The following PAH variants were observed in gnomAD, a reference collection of about 807,000 sequenced individuals.
The protein encoded by PAH is phenylalanine hydroxylase, also known as phenylalanine-4-hydroxylase.
PAH carries 64 observed loss-of-function variants against 62.0 expected under a neutral mutation model. The observed-to-expected ratio is 1.03, with a 90% CI of 0.84 to 1.27. The LOEUF is 1.27. PAH is among the 50% of genes most tolerant of loss of function. The pLI is 0.00. For missense variants in PAH, 579 were observed against 542.8 expected, an observed-to-expected ratio of 1.07 and a Z score of -0.66; for synonymous variants, 195 against 196.2, an observed-to-expected ratio of 0.99 and a Z score of 0.05.
At chr12:102,907,483 T>C (rs1878022434) in intron 2 of PAH, among the ~76,000 whole-genome samples, 1 of 152,226 alleles carries the variant, frequency 6.6e-6, no homozygotes, top group African/African-American at 2.4e-5. Flanking sequence ...GAGTACCACC[T>C]TCACTTAGTT....
intron 1 of PAH, among the ~76,000 whole-genome samples, chr12:102,943,482 T>G (rs981632182): frequency 2.0e-5 from 3 of 152,146 alleles, no homozygotes; most frequent in Non-Finnish European, 4.4e-5. Flanking sequence ...GAAAGTAAAT[T>G]AGTTTAGCCA....
At position 102,858,202 on chromosome 12, in the gene PAH, A is replaced by G. The variant is rs113282790; in HGVS notation, c.510-2870T>C. On this transcript the variant is annotated intron_variant, in intron 5 of 12. Coordinates refer to ENST00000553106, the MANE Select transcript of PAH (RefSeq NM_000277.3). ...TAGTCTCTGATAAAACAGACTTTAA[A>G]CCAACAATGATAAAAAGAGACAAAG... is the stretch of plus-strand genomic sequence containing the variant. Among the ~76,000 whole-genome samples the G allele has an allele frequency of 3.3e-3, 507 of 152,264 alleles. 2 individuals are homozygous for G. Among genetic ancestry groups the G allele is most frequent in the African/African-American group, 0.012 (479 of 41,534 alleles).
Position 102,837,971 on chromosome 12 carries a change from G to A in PAH, c.*1204C>T, listed in dbSNP as rs149230474. 2 of 152,316 alleles carry A rather than the reference G, an allele frequency of 1.3e-5. No homozygotes were observed. The highest frequency in any genetic ancestry group is 4.8e-5 in the African/African-American group (2 of 41,566). The allele number at this position is 152,316 out of a possible 1,614,324, so 9.4% of individuals were successfully genotyped here. On this transcript the variant is annotated 3_prime_UTR_variant, in exon 13 of 13. Coordinates refer to ENST00000553106, the MANE Select transcript of PAH (RefSeq NM_000277.3). ...ATTTGCTGTTGATGATACTACAGCT[G>A]TTCTGAGAACTAAACTCAAAGAAAC... is the stretch of plus-strand genomic sequence containing the variant.
At chr12:102,926,419 G>A (rs767718807) in intron 1 of PAH, among the ~76,000 whole-genome samples, 19 of 151,986 alleles carry the variant, frequency 1.3e-4, no homozygotes, top group South Asian at 8.3e-4. Context: ...TTGTTGGGGG[G>A]GCGGGTAAAG....
chr12:102,854,264 GC>G lies in PAH; in HGVS notation c.706+871del, dbSNP rs140869484. 3.7e-4 allele frequency among the ~76,000 whole-genome samples: 57 copies of G among 152,192 alleles called. 1 individual carries two copies. The East Asian group carries it at 0.011, about 29-fold the overall frequency. On this transcript the variant is annotated intron_variant, in intron 6 of 12. Coordinates refer to ENST00000553106, the MANE Select transcript of PAH (RefSeq NM_000277.3). Reference sequence around the variant, plus strand: ...TGCCAAGTAATTTCCCTGGCTCATTGCCCCCACAGTGGCCCATCTCTGCACA... The same window carrying G: ...TGCCAAGTAATTTCCCTGGCTCATTGCCCCACAGTGGCCCATCTCTGCACA...
At chr12:102,846,816 G>A in intron 9 of PAH, 79 bp downstream of exon 9, 2 of 1,197,720 alleles carry the variant, frequency 1.7e-6, no homozygotes, top group Non-Finnish European at 2.5e-6. Flanking sequence ...TGGCTTCCAG[G>A]GGAGTAGGAA....
intron 3 of PAH, among the ~76,000 whole-genome samples, chr12:102,884,262 G>A (rs574318328): frequency 6.6e-6 from 1 of 152,336 alleles, no homozygotes; most frequent in Admixed American, 6.5e-5. Flanking sequence ...CCAGGGAGAG[G>A]CACCTGGGTG....
At chr12:102,909,569 A>T (rs1878122029) in intron 2 of PAH, among the ~76,000 whole-genome samples, 1 of 152,186 alleles carries the variant, frequency 6.6e-6, no homozygotes, top group Admixed American at 6.5e-5. Context: ...AAAACCCACT[A>T]CTTAAATTAT....
Position 102,847,327 on chromosome 12 carries a change from C to T in PAH, c.913-376G>A. The T allele has an allele frequency of 3.4e-5, 10 of 294,290 alleles. No homozygotes were observed. In the South Asian group the frequency reaches 3.5e-4, roughly 10 times the overall value. 18.2% of individuals were successfully genotyped at this position (294,290 alleles called of 1,614,324 possible). A position where few individuals can be genotyped will look rare whatever the true frequency, so the allele number is the denominator to read the frequency against. On this transcript the variant is annotated intron_variant, in intron 8 of 12. Transcript: ENST00000553106. ...ATGTTAAATGAGTCTTAATCATGTA[C>T]CCTGGAAACATCACAGGAGAACTGC...
chr12:102,879,898 CA>C (rs1356747336), intron 3 of PAH, among the ~76,000 whole-genome samples: 1 of 152,162 alleles, frequency 6.6e-6, no homozygotes, highest in Non-Finnish European at 1.5e-5. Context: ...CTATGGACAG[CA>C]AGAACAGAGG....
At chr12:102,894,669 A>C (rs981280492) in intron 3 of PAH, 66 bp downstream of exon 3, 1 of 1,191,166 alleles carries the variant, frequency 8.4e-7, no homozygotes. Context: ...TTAAATATGT[A>C]TATTGCTGTT....
chr12:102,939,133 C>T (rs911956973), intron 1 of PAH, among the ~76,000 whole-genome samples: 1 of 152,076 alleles, frequency 6.6e-6, no homozygotes, highest in Admixed American at 6.5e-5. Flanking sequence ...CAGAAACCCC[C>T]ACTTGGGCCT....
rs145084405 is a variant in PAH, at chr12:102,930,929, T to C, written c.-95-13704A>G. ...CAATATGTCTTACGTATCTATGGTA[T>C]CAATAATAAAAAAACAAATTTCAAT... On this transcript the variant is annotated intron_variant, in intron 1 of 3. Transcript: ENST00000546844. 6.0e-3 allele frequency among the ~76,000 whole-genome samples: 910 copies of C among 152,270 alleles called. 9 individuals are homozygous for C. The highest frequency in any genetic ancestry group is 0.02 in the African/African-American group (841 of 41,546).
intron 2 of PAH, among the ~76,000 whole-genome samples, chr12:102,908,184 T>C (rs961288233): frequency 1.3e-5 from 2 of 151,596 alleles, no homozygotes; most frequent in Non-Finnish European, 1.5e-5. Flanking sequence ...TTCACATACA[T>C]GCATGCGCCC....
At chr12:102,858,732 A>C (rs187135603) in intron 5 of PAH, among the ~76,000 whole-genome samples, 1 of 152,254 alleles carries the variant, frequency 6.6e-6, no homozygotes, top group African/African-American at 2.4e-5. Flanking sequence ...TCCTGGGTAC[A>C]TAACGAAATG....
At chr12:102,879,177 C>T (rs999262771) in intron 3 of PAH, among the ~76,000 whole-genome samples, 1 of 152,056 alleles carries the variant, frequency 6.6e-6, no homozygotes, top group Non-Finnish European at 1.5e-5. Context: ...GAACAGCAAA[C>T]GTGTTTTTGA....
In PAH at chr12:102,877,516, G is replaced by A; in HGVS notation, c.387C>T (p.Asp129=). The A allele has an allele frequency of 6.2e-7, 1 of 1,614,082 alleles. No individual in the cohort carries two copies. Among genetic ancestry groups the A allele is most frequent in the Non-Finnish European group, 8.5e-7 (1 of 1,179,990 alleles). The change falls in exon 4 of 13, where the codon GAC becomes GAT. Residue 129 remains aspartate, a synonymous_variant. Transcript: ENST00000553106. ...AGCTGAGAATCTGATTGGCAAATCTGTCCAGCTCTTGAATGGTTCTTGGGA... is the reference window on the plus strand; with the variant it reads ...AGCTGAGAATCTGATTGGCAAATCTATCCAGCTCTTGAATGGTTCTTGGGA... The part of the protein sequence containing the change: ...PWFPRTIQEL[D]RFANQILSYG...
At chr12:102,840,860 A>C (rs955044191) in intron 11 of PAH, among the ~76,000 whole-genome samples, 5 of 152,212 alleles carry the variant, frequency 3.3e-5, no homozygotes, top group Admixed American at 3.3e-4. Context: ...CTAGCTAAAG[A>C]ATGCTATATA....
chr12:102,855,819 C>T (rs1023021336), intron 5 of PAH, among the ~76,000 whole-genome samples: 39 of 152,108 alleles, frequency 2.6e-4, no homozygotes, highest in African/African-American at 8.7e-4. Flanking sequence ...AACCAGTGGG[C>T]TAAACTGGAT....
Sources: gnomAD v4.1 joint callset for allele counts (sites outside exome capture counted in the v4.1 genomes callset) on GRCh38, gnomAD v4.1.1 for gene constraint, MANE v1.5 for transcripts, NCBI Gene and HGNC (gene_info 2026-07-23, HGNC 2026-07-21) for gene names.